The following FGD4 variants were observed in gnomAD, a reference collection of about 807,000 sequenced individuals.
FGD4 encodes the protein FYVE, RhoGEF and PH domain-containing protein 4.
A neutral mutation model predicts 102.0 loss-of-function variants in FGD4; 42 were observed. That is an observed-to-expected ratio of 0.41 (90% confidence interval 0.32 to 0.53). The LOEUF (loss-of-function observed/expected upper bound fraction) is 0.53, where lower values mean the gene tolerates loss of function less well. Among genes scored for constraint, FGD4 ranks in the 20% least tolerant of loss-of-function variants. The pLI is 0.21. For missense variants in FGD4, 902 were observed against 1,078.2 expected (o/e 0.84, Z 2.29); for synonymous variants, 380 against 375.7 (o/e 1.01, Z -0.13).
At chr12:32,453,067 C>T (rs1296172052) in intron 1 of FGD4, among the ~76,000 whole-genome samples, 3 of 151,032 alleles carry the variant, frequency 2.0e-5, no homozygotes, top group Non-Finnish European at 4.4e-5. Flanking sequence ...AAAGTAAAGA[C>T]TAGTATGACC....
intron 1 of FGD4, among the ~76,000 whole-genome samples, chr12:32,492,640 T>C (rs528511594): frequency 1.6e-3 from 251 of 152,316 alleles, no homozygotes; most frequent in Middle Eastern, 6.8e-3. Context: ...ATATGCTGCT[T>C]TATAAACATA....
chr12:32,474,863 C>T (rs948463558), intron 1 of FGD4, among the ~76,000 whole-genome samples: 3 of 152,212 alleles, frequency 2.0e-5, no homozygotes, highest in East Asian at 3.9e-4. Flanking sequence ...GTGATTGCAC[C>T]CCTGTACTCC....
At chr12:32,535,022 G>A (rs1396730294) in intron 1 of FGD4, among the ~76,000 whole-genome samples, 1 of 152,140 alleles carries the variant, frequency 6.6e-6, no homozygotes, top group Non-Finnish European at 1.5e-5. Context: ...GCATGAGTTT[G>A]TTTTTTAAAA....
intron 1 of FGD4, among the ~76,000 whole-genome samples, chr12:32,422,281 G>A (rs1430205221): frequency 8.4e-6 from 1 of 118,960 alleles, no homozygotes; most frequent in Non-Finnish European, 1.8e-5. Context: ...TCTCAAATTG[G>A]GAGCTGCTTT....
chr12:32,563,104 A>C (rs1434927617), intron 1 of FGD4, among the ~76,000 whole-genome samples: 2 of 134,290 alleles, frequency 1.5e-5, no homozygotes, highest in Non-Finnish European at 1.6e-5. Flanking sequence ...GACCCCCCCC[A>C]CCTCCCTCCC....
intron 1 of FGD4, among the ~76,000 whole-genome samples, chr12:32,490,054 T>G (rs986975526): frequency 6.6e-6 from 1 of 152,210 alleles, no homozygotes; most frequent in Admixed American, 6.5e-5. Flanking sequence ...GATATTTTCC[T>G]ATAGTATTTC....
chr12:32,512,063 C>T (rs1423542130), intron 1 of FGD4, among the ~76,000 whole-genome samples: 1 of 152,008 alleles, frequency 6.6e-6, no homozygotes, highest in Non-Finnish European at 1.5e-5. Context: ...TTGTGTATAT[C>T]GAAGTCTTTT....
At chr12:32,526,893 C>T (rs998443908) in intron 1 of FGD4, among the ~76,000 whole-genome samples, 9 of 152,176 alleles carry the variant, frequency 5.9e-5, no homozygotes, top group African/African-American at 9.7e-5. Context: ...AAGAACCCAC[C>T]AATTCCGAAC....
rs935273889 is a variant in FGD4, at chr12:32,574,118, T to C, written c.320-2148T>C. On this transcript the variant is annotated intron_variant, in intron 2 of 16. Transcript: ENST00000534526. ...GTTTAAGAGGTGGACACAATTTAGA[T>C]TGGGAAAGTGGGTAGAGTCATCCCT... Among the ~76,000 whole-genome samples the C allele has an allele frequency of 2.0e-5, 3 of 152,156 alleles. No homozygotes were observed. The East Asian group carries it at 5.8e-4, about 29-fold the overall frequency.
At chr12:32,528,823 T>G (rs1402489633) in intron 1 of FGD4, among the ~76,000 whole-genome samples, 4 of 152,240 alleles carry the variant, frequency 2.6e-5, no homozygotes, top group African/African-American at 4.8e-5. Flanking sequence ...TATTTGAATA[T>G]TTTTGATCCA....
rs934649590 is a variant in FGD4 at position 32,574,332 on chromosome 12, T to G, written c.320-1934T>G. Among the ~76,000 whole-genome samples the G allele has an allele frequency of 1.1e-4, 7 of 63,432 alleles. No individual in the cohort carries two copies. The Admixed American group carries it at 1.2e-3, about 11-fold the overall frequency. The allele number at this position is 63,432 out of a possible 152,430, so 41.6% of individuals were successfully genotyped here. A position where few individuals can be genotyped will look rare whatever the true frequency, so the allele number is the denominator to read the frequency against. On this transcript the variant is annotated intron_variant, in intron 2 of 16. Transcript: ENST00000534526. ...GTTGAATTATTCATAACCTTAAGTG[T>G]TTTTTTTTTTTTTTTGGGTGGGAGA...
intron 3 of FGD4, chr12:32,579,572 C>T (rs61926173): frequency 0.035 from 5,266 of 152,286 alleles, 160 homozygotes; most frequent in African/African-American, 0.085. Flanking sequence ...TAGATAAGAC[C>T]TGAACATGCT....
At chr12:32,623,137 T>A (rs1367026075) in intron 11 of FGD4, among the ~76,000 whole-genome samples, 1 of 152,104 alleles carries the variant, frequency 6.6e-6, no homozygotes, top group Non-Finnish European at 1.5e-5. Flanking sequence ...TTCTGTTTTA[T>A]ATACAGAATA....
chr12:32,486,082 G>A, intron 1 of FGD4: 1 of 1,521,468 alleles, frequency 6.6e-7, no homozygotes, highest in Non-Finnish European at 8.8e-7. Flanking sequence ...TGCTCCAGAA[G>A]CAGGAAATAG....
At chr12:32,585,350 A>AT (rs1203581716) in intron 4 of FGD4, among the ~76,000 whole-genome samples, 1 of 151,044 alleles carries the variant, frequency 6.6e-6, no homozygotes, top group African/African-American at 2.4e-5. Context: ...TACTAGGTTC[A>AT]TAATATAAGA....
intron 2 of FGD4, among the ~76,000 whole-genome samples, chr12:32,567,837 C>G (rs1945319925): frequency 6.6e-6 from 1 of 151,918 alleles, no homozygotes; most frequent in South Asian, 2.1e-4. Flanking sequence ...CAGGAATGTA[C>G]CACAACGCCC....
intron 1 of FGD4, among the ~76,000 whole-genome samples, chr12:32,402,169 C>T (rs1048892327): frequency 2.1e-5 from 3 of 142,040 alleles, no homozygotes; most frequent in Admixed American, 7.6e-5. Context: ...TTGCTTGGCA[C>T]GGGGGCTCAC....
At chr12:32,521,236 A>C (rs1398014326) in intron 1 of FGD4, among the ~76,000 whole-genome samples, 2 of 151,918 alleles carry the variant, frequency 1.3e-5, no homozygotes, top group African/African-American at 4.8e-5. Flanking sequence ...AAAATACAAA[A>C]ATTAGCTGGC....
intron 4 of FGD4, among the ~76,000 whole-genome samples, chr12:32,589,699 TTTTC>T (rs1338931210): frequency 6.6e-6 from 1 of 152,166 alleles, no homozygotes; most frequent in African/African-American, 2.4e-5. Context: ...ACCAAACTTT[TTTTC>T]TTTGTGCAAC....
Sources: allele counts gnomAD v4.1 joint callset (sites outside exome capture counted in the v4.1 genomes callset), GRCh38; gene constraint gnomAD v4.1.1; transcripts MANE v1.5; gene names NCBI Gene and HGNC (gene_info 2026-07-23, HGNC 2026-07-21).